The following MRPL22 variants were observed in gnomAD, a reference collection of about 807,000 sequenced individuals.
The protein encoded by MRPL22 is large ribosomal subunit protein uL22m.
Under a neutral mutation model 32.4 loss-of-function variants are expected in MRPL22, and 27 were observed. The observed-to-expected ratio is 0.83, with a 90% CI of 0.61 to 1.15. MRPL22 has a LOEUF of 1.15. Ranked by LOEUF, MRPL22 falls within the 50% of genes most tolerant of loss-of-function variation. The pLI, the probability that MRPL22 is intolerant of heterozygous loss-of-function variation, is 0.00. For synonymous variants in MRPL22, 86 were observed against 87.3 expected (o/e 0.99, Z 0.08); for missense variants, 239 against 260.2 (o/e 0.92, Z 0.56).
chr5:154,967,011 A>G lies in MRPL22; in HGVS notation c.*114A>G, dbSNP rs1449582516. ...TCTCATTGAATTATTGAAACAGTGT[A>G]TAACTGCTAGTTGTAAATGAATATT... On this transcript the variant is annotated 3_prime_UTR_variant, in exon 7 of 7. Coordinates refer to ENST00000523037, the MANE Select transcript of MRPL22 (RefSeq NM_014180.4). This position sits in a 1 kb window ranked among gnomAD's most constrained non-coding sequence, Gnocchi z 4.7. 23 of 1,088,936 alleles carry G rather than the reference A, an allele frequency of 2.1e-5. No individual in the cohort carries two copies. Among genetic ancestry groups the G allele is most frequent in the South Asian group, 6.6e-5 (4 of 60,698 alleles). 67.5% of individuals were successfully genotyped at this position (1,088,936 alleles called of 1,614,324 possible).
At chr5:154,950,778 C>A (rs760131012) in intron 2 of MRPL22, 43 bp from the exon 3 acceptor site, 3 of 1,258,294 alleles carry the variant, frequency 2.4e-6, no homozygotes, top group Admixed American at 1.7e-5. Context: ...ACAGAAAGGT[C>A]CCCTAAGTGT....
chr5:154,943,715 C>T (rs1160411780), intron 2 of MRPL22, among the ~76,000 whole-genome samples: 4 of 151,420 alleles, frequency 2.6e-5, no homozygotes, highest in African/African-American at 9.7e-5. Flanking sequence ...TGCTGTGTCA[C>T]CCAGGCTGGA....
chr5:154,950,688 T>A (rs1442896064), intron 2 of MRPL22, 133 bp from the exon 3 acceptor site: 3 of 721,308 alleles, frequency 4.2e-6, no homozygotes, highest in Non-Finnish European at 7.4e-6. Flanking sequence ...AATGAATACC[T>A]CTAGAATATT....
rs753260047 is a variant in MRPL22 at position 154,966,692 on chromosome 5, C to A, written c.416C>A (p.Ser139Tyr). The A allele has an allele frequency of 6.2e-7, 1 of 1,613,740 alleles. No individual in the cohort carries two copies. The highest frequency in any genetic ancestry group is 1.1e-5 in the South Asian group (1 of 91,060). Reference sequence around the variant, plus strand: ...TCTTTTTCTTCCTGTTTAGCTGAGTCCACCTCAGGACGAGGCCAGTGCCTG... The same window carrying A: ...TCTTTTTCTTCCTGTTTAGCTGAGTACACCTCAGGACGAGGCCAGTGCCTG... The part of the protein sequence containing the change: ...EFRSNLYIAE[S>Y]TSGRGQCLKR... The change falls in exon 7 of 7, where the codon TCC becomes TAC. Residue 139 changes from serine (S) to tyrosine (Y), a missense_variant. Transcript: ENST00000523037.
Position 154,941,105 on chromosome 5 carries a change from C to G in MRPL22, c.-6C>G. The G allele has an allele frequency of 1.2e-6, 2 of 1,613,624 alleles. No individual in the cohort carries two copies. The highest frequency in any genetic ancestry group is 1.7e-6 in the Non-Finnish European group (2 of 1,179,996). The stretch of plus-strand genomic sequence containing the variant: ...CTCGGCGGCTTCCGTAGCGGGAGGG[C>G]GAAAGATGGCGGCGGCAGTACTGGG... On this transcript the variant is annotated 5_prime_UTR_variant, in exon 1 of 7. Transcript: ENST00000523037.
rs890203649 is a variant in MRPL22, at chr5:154,969,112, T to G, written c.*2215T>G. The G allele has an allele frequency of 1.3e-5, 2 of 152,240 alleles. No individual in the cohort carries two copies. Among genetic ancestry groups the G allele is most frequent in the African/African-American group, 4.8e-5 (2 of 41,460 alleles). The allele number at this position is 152,240 out of a possible 1,614,324, so 9.4% of individuals were successfully genotyped here. A position where few individuals can be genotyped will look rare whatever the true frequency, so the allele number is the denominator to read the frequency against. ...GGTTTGGCTCTGTGTTCCCACCCAA[T>G]CTTATCTCAAATTGTAATCCCCATG... On this transcript the variant is annotated 3_prime_UTR_variant, in exon 7 of 7. Coordinates refer to ENST00000523037, the MANE Select transcript of MRPL22 (RefSeq NM_014180.4).
intron 5 of MRPL22, among the ~76,000 whole-genome samples, chr5:154,958,444 C>T (rs541279379): frequency 1.2e-4 from 18 of 147,660 alleles, no homozygotes; most frequent in African/African-American, 4.4e-4. Flanking sequence ...ATTCAGAATG[C>T]ATTTACAAGT....
At chr5:154,943,585 CAT>C (rs1764448123) in intron 2 of MRPL22, among the ~76,000 whole-genome samples, 1 of 150,518 alleles carries the variant, frequency 6.6e-6, no homozygotes. Flanking sequence ...TATATACACA[CAT>C]ATATGCACAT....
rs1162281150 is a variant in MRPL22, at chr5:154,941,105, C to A, written c.-6C>A. On this transcript the variant is annotated 5_prime_UTR_variant, in exon 1 of 7. Transcript: ENST00000523037. ...CTCGGCGGCTTCCGTAGCGGGAGGG[C>A]GAAAGATGGCGGCGGCAGTACTGGG... is the stretch of plus-strand genomic sequence containing the variant. 2 of 1,613,624 alleles carry A rather than the reference C, an allele frequency of 1.2e-6. No homozygotes were observed. The highest frequency in any genetic ancestry group is 2.2e-5 in the East Asian group (1 of 44,880).
intron 6 of MRPL22, among the ~76,000 whole-genome samples, chr5:154,962,977 C>T (rs779107491): frequency 1.3e-5 from 2 of 152,210 alleles, no homozygotes; most frequent in Non-Finnish European, 2.9e-5. Context: ...TCTCACTCTG[C>T]ACCCAGGCTA....
intron 2 of MRPL22, among the ~76,000 whole-genome samples, chr5:154,945,887 G>T (rs1202991476): frequency 1.3e-5 from 2 of 152,112 alleles, no homozygotes; most frequent in South Asian, 4.1e-4. Flanking sequence ...CCAGGAGAGG[G>T]CACATAGGAA....
At chr5:154,942,789 G>A (rs1764437409) in intron 2 of MRPL22, among the ~76,000 whole-genome samples, 1 of 152,166 alleles carries the variant, frequency 6.6e-6, no homozygotes. Context: ...GAGAAGTAGG[G>A]ACATTTATTT....
chr5:154,968,076 T>C lies in MRPL22; in HGVS notation c.*1179T>C, dbSNP rs1419870193. On this transcript the variant is annotated 3_prime_UTR_variant, in exon 7 of 7. Coordinates refer to ENST00000523037, the MANE Select transcript of MRPL22 (RefSeq NM_014180.4). ...ATAATTCTTCACAACATCCTGAAAA[T>C]GTAGCTTTTGTTTTACCACTTTACA... is the stretch of plus-strand genomic sequence containing the variant. 6.6e-6 allele frequency: 1 copy of C among 152,214 alleles called. No individual in the cohort carries two copies. The highest frequency in any genetic ancestry group is 6.5e-5 in the Admixed American group (1 of 15,286). 9.4% of individuals were successfully genotyped at this position (152,214 alleles called of 1,614,324 possible). A position where few individuals can be genotyped will look rare whatever the true frequency, so the allele number is the denominator to read the frequency against.
Position 154,950,943 on chromosome 5 carries a change from G to T in MRPL22, c.195+5G>T. The T allele has an allele frequency of 1.9e-6, 3 of 1,555,740 alleles. No individual in the cohort carries two copies. Among genetic ancestry groups the T allele is most frequent in the Non-Finnish European group, 2.7e-6 (3 of 1,128,032 alleles). On this transcript the variant is annotated splice_donor_5th_base_variant and intron_variant, in intron 3 of 6. Transcript: ENST00000523037. Reference sequence around the variant, plus strand: ...GGAGAACCTCGGAGACCAGCAGTAAGTTCGTGGGTAGAACTAATCTCTTAA... The same window carrying T: ...GGAGAACCTCGGAGACCAGCAGTAATTTCGTGGGTAGAACTAATCTCTTAA...
At chr5:154,960,302 G>T (rs531120386) in intron 6 of MRPL22, among the ~76,000 whole-genome samples, 2 of 152,264 alleles carry the variant, frequency 1.3e-5, no homozygotes, top group East Asian at 3.9e-4. Context: ...TTAAATAATA[G>T]ATACCAAGAC....
intron 6 of MRPL22, 53 bp from the exon 7 acceptor site, chr5:154,966,633 C>G (rs1361739194): frequency 6.3e-7 from 1 of 1,581,416 alleles, no homozygotes; most frequent in Non-Finnish European, 8.7e-7. Context: ...CTCAGCTGAT[C>G]AGGCTTGTGG....
Position 154,941,283 on chromosome 5 carries a change from G to T in MRPL22, c.77+18G>T. 6.2e-7 allele frequency: 1 copy of T among 1,612,630 alleles called. No homozygotes were observed. Among genetic ancestry groups the T allele is most frequent in the Non-Finnish European group, 8.5e-7 (1 of 1,179,994 alleles). On this transcript the variant is annotated intron_variant, in intron 2 of 6. Transcript: ENST00000523037. ...GCCTTGGGGTGAGTCTCTCGCTTCG[G>T]AGTTTCGGAAGGGCCCAAGGCATCT...
chr5:154,944,685 G>C (rs1764465052), intron 2 of MRPL22, among the ~76,000 whole-genome samples: 2 of 152,164 alleles, frequency 1.3e-5, no homozygotes, highest in Admixed American at 6.5e-5. Flanking sequence ...ATATTAGATA[G>C]TGACATCTGC....
chr5:154,959,510 A>T (rs1764674462), intron 5 of MRPL22, among the ~76,000 whole-genome samples: 1 of 151,464 alleles, frequency 6.6e-6, no homozygotes, highest in Non-Finnish European at 1.5e-5. Context: ...CACCTGGCTG[A>T]TTTTTGTGTT....
Sources: allele counts gnomAD v4.1 joint callset (sites outside exome capture counted in the v4.1 genomes callset), GRCh38; gene constraint gnomAD v4.1.1; non-coding constraint Gnocchi (gnomAD v3.1); transcripts MANE v1.5; gene names NCBI Gene and HGNC (gene_info 2026-07-23, HGNC 2026-07-21).